ADAMTSL1: variants seen among roughly 807,000 people sequenced by gnomAD.
ADAMTSL1 encodes the protein ADAMTS-like protein 1.
In ADAMTSL1, 126 loss-of-function variants were observed where a neutral mutation model predicts 201.8. The observed-to-expected ratio is 0.62, with a 90% CI of 0.54 to 0.72. ADAMTSL1 has a LOEUF of 0.72. Among genes scored for constraint, ADAMTSL1 ranks in the 30% least tolerant of loss-of-function variants. ADAMTSL1 has a pLI of 0.00. For synonymous variants in ADAMTSL1, 1,121 were observed against 903.4 expected (o/e 1.24, Z -4.32); for missense variants, 2,679 against 2,277.8 (o/e 1.18, Z -3.59).
intron 12 of ADAMTSL1, among the ~76,000 whole-genome samples, chr9:18,683,199 A>G (rs1434038012): frequency 1.3e-5 from 2 of 151,428 alleles, no homozygotes; most frequent in African/African-American, 2.4e-5. Context: ...CTATGCCACC[A>G]GAGACAGCTT....
chr9:17,959,371 AC>A (rs1460436411), intron 1 of ADAMTSL1, among the ~76,000 whole-genome samples: 1 of 152,054 alleles, frequency 6.6e-6, no homozygotes. Flanking sequence ...AATAGATGAT[AC>A]CCTCCTTCCT....
At chr9:18,100,004 T>C (rs566411884) in intron 1 of ADAMTSL1, among the ~76,000 whole-genome samples, 6 of 152,302 alleles carry the variant, frequency 3.9e-5, no homozygotes, top group Admixed American at 1.3e-4. Context: ...TCTGATATAA[T>C]TATTCTTCTT....
intron 15 of ADAMTSL1, among the ~76,000 whole-genome samples, chr9:18,737,425 A>G (rs1029746405): frequency 7.3e-5 from 11 of 151,306 alleles, no homozygotes; most frequent in African/African-American, 2.7e-4. Context: ...TTCACCAGTG[A>G]GTCCATGATC....
At chr9:18,030,188 A>T (rs1397782005) in intron 1 of ADAMTSL1, among the ~76,000 whole-genome samples, 1 of 152,256 alleles carries the variant, frequency 6.6e-6, no homozygotes, top group African/African-American at 2.4e-5. Context: ...AAAATGTGGC[A>T]CATATACACC....
chr9:18,062,862 T>C (rs760887015), intron 1 of ADAMTSL1, among the ~76,000 whole-genome samples: 1 of 152,216 alleles, frequency 6.6e-6, no homozygotes, highest in Non-Finnish European at 1.5e-5. Context: ...AAACAGATAC[T>C]TGCTAACATG....
intron 2 of ADAMTSL1, among the ~76,000 whole-genome samples, chr9:18,400,428 G>A (rs972755518): frequency 7.9e-5 from 12 of 151,924 alleles, no homozygotes; most frequent in Non-Finnish European, 1.3e-4. Flanking sequence ...TAAATTTTGG[G>A]GATCATTATC....
At chr9:18,402,666 T>G (rs1417685) in intron 2 of ADAMTSL1, among the ~76,000 whole-genome samples, 38,463 of 152,018 alleles carry the variant, frequency 0.25, 5,124 homozygotes, top group African/African-American at 0.34. Flanking sequence ...AAACATGACA[T>G]GCTCTTTCTT....
At chr9:18,660,595 A>T (rs1201993404) in intron 8 of ADAMTSL1, among the ~76,000 whole-genome samples, 1 of 152,206 alleles carries the variant, frequency 6.6e-6, no homozygotes, top group Non-Finnish European at 1.5e-5. Context: ...TGTAGAAATT[A>T]TTATCTGGAA....
At chr9:18,712,719 C>G (rs1033302871) in intron 14 of ADAMTSL1, among the ~76,000 whole-genome samples, 7 of 151,706 alleles carry the variant, frequency 4.6e-5, no homozygotes, top group African/African-American at 1.7e-4. Flanking sequence ...GCAAGGCAGG[C>G]CAACATTCAG....
intron 1 of ADAMTSL1, among the ~76,000 whole-genome samples, chr9:18,059,318 G>A (rs554192088): frequency 2.8e-4 from 43 of 152,214 alleles, no homozygotes; most frequent in Admixed American, 2.0e-3. Flanking sequence ...ATAGTGCTTG[G>A]TGTTTGTAGA....
At chr9:18,854,788 A>G (rs994513277) in intron 23 of ADAMTSL1, among the ~76,000 whole-genome samples, 1 of 152,212 alleles carries the variant, frequency 6.6e-6, no homozygotes, top group Non-Finnish European at 1.5e-5. Flanking sequence ...ACTCTCAAAC[A>G]ATTGTTCAGT....
At chr9:18,821,004 G>A (rs1824176339) in intron 21 of ADAMTSL1, among the ~76,000 whole-genome samples, 1 of 152,224 alleles carries the variant, frequency 6.6e-6, no homozygotes, top group African/African-American at 2.4e-5. Context: ...AGTAGCATAT[G>A]AGGCTGAGGA....
At chr9:17,989,095 C>G (rs952459089) in intron 1 of ADAMTSL1, among the ~76,000 whole-genome samples, 16 of 151,756 alleles carry the variant, frequency 1.1e-4, no homozygotes, top group African/African-American at 3.9e-4. Flanking sequence ...ATAGAGGAAA[C>G]TACTTTAATT....
intron 14 of ADAMTSL1, chr9:18,717,932 G>C: frequency 7.7e-7 from 1 of 1,302,352 alleles, no homozygotes; most frequent in Non-Finnish European, 1.1e-6. Flanking sequence ...TTGGACAACA[G>C]TTCTTCAGAG....
chr9:17,972,270 G>C (rs994388399), intron 1 of ADAMTSL1, among the ~76,000 whole-genome samples: 3 of 131,628 alleles, frequency 2.3e-5, no homozygotes, highest in South Asian at 2.6e-4. Context: ...CCATTAACTC[G>C]TCATTTAGCA....
chr9:18,904,194 C>T (rs1830160687), intron 26 of ADAMTSL1, among the ~76,000 whole-genome samples: 1 of 152,122 alleles, frequency 6.6e-6, no homozygotes, highest in African/African-American at 2.4e-5. Context: ...TTTGGCCAGG[C>T]ACGGTGGCTT....
rs956643946 is a variant in ADAMTSL1, at chr9:18,909,505, C to G, written c.*957C>G. On this transcript the variant is annotated 3_prime_UTR_variant, in exon 29 of 29. Coordinates refer to ENST00000380548, the MANE Select transcript of ADAMTSL1 (RefSeq NM_001040272.6). ...ATCTAAATCCGAAGTCCCCTAGCCCCGCACTAACTAACTGCTGCTGTGGGC... is the reference window on the plus strand; with the variant it reads ...ATCTAAATCCGAAGTCCCCTAGCCCGGCACTAACTAACTGCTGCTGTGGGC... The G allele has an allele frequency of 6.6e-6, 1 of 152,264 alleles. No individual in the cohort carries two copies. The allele number at this position is 152,264 out of a possible 1,614,324, so 9.4% of individuals were successfully genotyped here. A position where few individuals can be genotyped will look rare whatever the true frequency, so the allele number is the denominator to read the frequency against.
chr9:18,225,932 T>G (rs571620894), intron 2 of ADAMTSL1, among the ~76,000 whole-genome samples: 1 of 152,236 alleles, frequency 6.6e-6, no homozygotes, highest in African/African-American at 2.4e-5. Flanking sequence ...TCTGATTAAT[T>G]TTTTTCTGTG....
At chr9:18,611,401 A>C (rs1404235871) in intron 4 of ADAMTSL1, among the ~76,000 whole-genome samples, 2 of 152,180 alleles carry the variant, frequency 1.3e-5, no homozygotes, top group Non-Finnish European at 1.5e-5. Flanking sequence ...CTGAGAATGA[A>C]TTGTAGTGTC....
Sources: gnomAD v4.1 joint callset for allele counts (sites outside exome capture counted in the v4.1 genomes callset) on GRCh38, gnomAD v4.1.1 for gene constraint, MANE v1.5 for transcripts, NCBI Gene and HGNC (gene_info 2026-07-23, HGNC 2026-07-21) for gene names.